The following SYNE2 variants were observed in gnomAD, a reference collection of about 807,000 sequenced individuals.
SYNE2 encodes the protein nesprin-2.
In SYNE2, 431 loss-of-function variants were observed where a neutral mutation model predicts 856.3. That is an observed-to-expected ratio of 0.50 (90% CI 0.47 to 0.55). The LOEUF is 0.55. SYNE2 is among the 20% of genes least tolerant of loss of function. SYNE2 has a pLI of 0.00. For missense variants in SYNE2, 8,129 were observed against 8,023.2 expected, an observed-to-expected ratio of 1.01 and a Z score of -0.50; for synonymous variants, 2,923 against 2,872.3, an observed-to-expected ratio of 1.02 and a Z score of -0.56.
chr14:64,035,885 G>A (rs939944693), intron 45 of SYNE2, among the ~76,000 whole-genome samples: 1 of 72,986 alleles, frequency 1.4e-5, no homozygotes, highest in African/African-American at 5.6e-5. Flanking sequence ...TTTTTTTTTT[G>A]TAGAGACCCA....
At position 64,221,578 on chromosome 14, in the gene SYNE2, C is replaced by T. The variant is rs143234183; in HGVS notation, c.20064C>T (p.Asp6688=). The part of the protein sequence containing the change: ...GLRQSLMQCQ[D]FHQLSQNLLL... ...GCTCTGATGTGTTGTTTTTTAAGGA[C>T]TTCCACCAGTTGAGTCAAAATCTGC... Residue 6688 remains aspartate, a splice_region_variant and synonymous_variant, in exon 112 of 116, where the codon GAC becomes GAT. Transcript: ENST00000555002. 1.2e-5 allele frequency: 19 copies of T among 1,614,188 alleles called. No homozygotes were observed. Among genetic ancestry groups the T allele is most frequent in the East Asian group, 4.5e-5 (2 of 44,888 alleles).
At chr14:64,062,468 GA>G (rs2097324896) in intron 49 of SYNE2, among the ~76,000 whole-genome samples, 1 of 151,946 alleles carries the variant, frequency 6.6e-6, no homozygotes, top group Non-Finnish European at 1.5e-5. Flanking sequence ...GTGTGTTTGA[GA>G]ATGCAGTTTT....
At chr14:64,034,686 T>G (rs2097072012) in intron 45 of SYNE2, 1 of 442,538 alleles carries the variant, frequency 2.3e-6, no homozygotes. Context: ...CAAAATTCAG[T>G]ATGACAGGTA....
chr14:64,123,156 C>T (rs977752694), intron 70 of SYNE2, among the ~76,000 whole-genome samples: 2 of 151,982 alleles, frequency 1.3e-5, no homozygotes, highest in African/African-American at 4.8e-5. Context: ...GTCATTCATT[C>T]ATCAGAAAAT....
At chr14:64,200,841 A>G (rs1269683985) in intron 99 of SYNE2, among the ~76,000 whole-genome samples, 1 of 151,126 alleles carries the variant, frequency 6.6e-6, no homozygotes, top group Non-Finnish European at 1.5e-5. Context: ...TATAGATGGC[A>G]TTAAACATGG....
chr14:64,053,414 G>T lies in SYNE2; in HGVS notation c.9501G>T (p.Gln3167His), dbSNP rs1026697162. Residue 3167 changes from glutamine (Q) to histidine (H), a missense_variant, in exon 48 of 116, where the codon CAG becomes CAT. Physicochemically the swap from Gln to His is conservative, Grantham distance 24. Around this residue, in one of 3 missense-constraint regions of SYNE2, gnomAD observed 5,410 missense variants for 5,284.8 expected, o/e 1.02. Transcript: ENST00000555002. ...AAACTTCCTTACATGTTTTAAATCA[G>T]ATAAAATCTCAATTACAGCAGCCAT... The part of the protein sequence containing the change: ...KLETSLHVLN[Q>H]IKSQLQQPLL... The T allele has an allele frequency of 1.4e-5, 22 of 1,612,796 alleles. No individual in the cohort carries two copies. The highest frequency in any genetic ancestry group is 1.9e-5 in the Non-Finnish European group (22 of 1,179,796).
chr14:63,860,967 A>G (rs1022608161), intron 1 of SYNE2, among the ~76,000 whole-genome samples: 8 of 151,904 alleles, frequency 5.3e-5, no homozygotes, highest in African/African-American at 1.9e-4. Flanking sequence ...CAGCCAACCT[A>G]TTGAGTATAA....
chr14:63,909,665 A>T (rs2095449467), intron 2 of SYNE2, among the ~76,000 whole-genome samples: 2 of 152,148 alleles, frequency 1.3e-5, no homozygotes, highest in Non-Finnish European at 2.9e-5. Context: ...AACATGGGGA[A>T]ACCCTGTCTC....
chr14:63,861,144 GTTT>G (rs71123806), intron 1 of SYNE2, among the ~76,000 whole-genome samples: 2,121 of 128,320 alleles, frequency 0.017, 31 homozygotes, highest in South Asian at 0.085. Flanking sequence ...TTACCACATT[GTTT>G]TTTTTTTTTT....
At chr14:63,789,960 G>T (rs2139763413) in intron 1 of SYNE2, among the ~76,000 whole-genome samples, 1 of 152,220 alleles carries the variant, frequency 6.6e-6, no homozygotes, top group South Asian at 2.1e-4. Context: ...GAAAGAAACT[G>T]AGATACCTTT....
At chr14:63,874,142 C>A (rs2094657448) in intron 1 of SYNE2, 1 of 152,242 alleles carries the variant, frequency 6.6e-6, no homozygotes, top group South Asian at 2.1e-4. Context: ...TATCTCTCTT[C>A]CTTACAGATT....
rs1351914065 is a variant in SYNE2, at chr14:64,052,188, G to C, written c.8275G>C (p.Asp2759His). The change falls in exon 48 of 116, where the codon GAT (aspartate) becomes CAT (histidine). Residue 2759 changes from aspartate (D) to histidine (H), a missense_variant. Transcript: ENST00000555002. ...TAATCCCTCCATTCCCCTTCTCCCA[G>C]ATGACATTCTTTCACAGATCAGAAA... ...ELNPSIPLLP[D>H]DILSQIRKCK... is the part of the protein sequence containing the mutation. 1 of 1,614,166 alleles carries C rather than the reference G, an allele frequency of 6.2e-7. No individual in the cohort carries two copies. The highest frequency in any genetic ancestry group is 8.5e-7 in the Non-Finnish European group (1 of 1,180,028).
intron 1 of SYNE2, among the ~76,000 whole-genome samples, chr14:63,871,117 C>G (rs527488056): frequency 6.6e-6 from 1 of 152,056 alleles, no homozygotes; most frequent in Non-Finnish European, 1.5e-5. Context: ...AATGCGGTTG[C>G]ACAGAAATGG....
At chr14:63,845,197 C>T (rs1167545955) in intron 1 of SYNE2, among the ~76,000 whole-genome samples, 2 of 152,082 alleles carry the variant, frequency 1.3e-5, no homozygotes, top group Non-Finnish European at 2.9e-5. Context: ...AGGTGGATCA[C>T]CTGAGGTCAG....
At chr14:63,782,999 T>A (rs1488754733) in intron 1 of SYNE2, among the ~76,000 whole-genome samples, 1 of 152,136 alleles carries the variant, frequency 6.6e-6, no homozygotes, top group Non-Finnish European at 1.5e-5. Flanking sequence ...ATTGGGACAA[T>A]CTGACATATG....
At chr14:64,060,905 C>T (rs781480730) in intron 49 of SYNE2, among the ~76,000 whole-genome samples, 2 of 152,188 alleles carry the variant, frequency 1.3e-5, no homozygotes, top group African/African-American at 2.4e-5. Flanking sequence ...CCTATGTTGG[C>T]AGCACTGCAT....
At chr14:63,869,076 T>A (rs1438533010) in intron 1 of SYNE2, among the ~76,000 whole-genome samples, 2 of 152,162 alleles carry the variant, frequency 1.3e-5, no homozygotes, top group Non-Finnish European at 2.9e-5. Flanking sequence ...AAATGGAGAA[T>A]GAAACTCCCT....
chr14:63,808,188 A>G (rs1888458208), intron 1 of SYNE2, among the ~76,000 whole-genome samples: 1 of 151,556 alleles, frequency 6.6e-6, no homozygotes, highest in African/African-American at 2.4e-5. Flanking sequence ...TTGGCCTCCT[A>G]AAGTGTTGAG....
At chr14:63,774,217 C>A (rs569079287) in intron 1 of SYNE2, among the ~76,000 whole-genome samples, 2 of 152,096 alleles carry the variant, frequency 1.3e-5, no homozygotes, top group East Asian at 3.9e-4. Flanking sequence ...GCCTGTAATC[C>A]CAGCACTTTG....
Sources: allele counts gnomAD v4.1 joint callset (sites outside exome capture counted in the v4.1 genomes callset), GRCh38; gene constraint gnomAD v4.1.1; regional missense constraint gnomAD v4.1.1; transcripts MANE v1.5; gene names NCBI Gene and HGNC (gene_info 2026-07-23, HGNC 2026-07-21).